RSBN1L: variants seen among roughly 807,000 people sequenced by gnomAD.
RSBN1L encodes the protein lysine-specific demethylase RSBN1L.
RSBN1L carries 30 observed loss-of-function variants against 67.7 expected under a neutral mutation model. The observed-to-expected ratio is 0.44, with a 90% CI of 0.33 to 0.60. The LOEUF (loss-of-function observed/expected upper bound fraction) is 0.60, where lower values mean the gene tolerates loss of function less well. Among genes scored for constraint, RSBN1L ranks in the 20% least tolerant of loss-of-function variants. RSBN1L has a pLI of 0.02. For synonymous variants in RSBN1L, 433 were observed against 387.0 expected, an observed-to-expected ratio of 1.12 and a Z score of -1.39; for missense variants, 992 against 1,031.7, an observed-to-expected ratio of 0.96 and a Z score of 0.53.
chr7:77,703,109 T>G (rs566889983), intron 1 of RSBN1L, among the ~76,000 whole-genome samples: 58 of 152,292 alleles, frequency 3.8e-4, no homozygotes, highest in African/African-American at 1.3e-3. Flanking sequence ...GTCATTCATT[T>G]CATAAGTTTT....
intron 3 of RSBN1L, among the ~76,000 whole-genome samples, chr7:77,756,201 A>G (rs1423080249): frequency 6.6e-6 from 1 of 151,728 alleles, no homozygotes; most frequent in Admixed American, 6.6e-5. Context: ...GCATGATCTC[A>G]GTTCACTGAA....
chr7:77,699,951 C>A (rs989226329), intron 1 of RSBN1L, among the ~76,000 whole-genome samples: 1 of 152,216 alleles, frequency 6.6e-6, no homozygotes, highest in South Asian at 2.1e-4. Flanking sequence ...CACTCGCCAA[C>A]ACGCCTGGCT....
At chr7:77,757,427 A>ATTATATATTAG (rs1562806529) in intron 3 of RSBN1L, among the ~76,000 whole-genome samples, 1 of 152,236 alleles carries the variant, frequency 6.6e-6, no homozygotes, top group East Asian at 1.9e-4. Context: ...CCCTGAGGTT[A>ATTATATATTAG]GTGATATATT....
intron 2 of RSBN1L, among the ~76,000 whole-genome samples, chr7:77,746,056 G>C (rs1427628880): frequency 6.6e-6 from 1 of 152,204 alleles, no homozygotes; most frequent in East Asian, 1.9e-4. Context: ...ACCTCCTGCT[G>C]TGTGGCCTAG....
At chr7:77,718,510 C>CA (rs1791076721) in intron 1 of RSBN1L, among the ~76,000 whole-genome samples, 2 of 152,024 alleles carry the variant, frequency 1.3e-5, no homozygotes, top group Admixed American at 1.3e-4. Flanking sequence ...AGGCTGGTCT[C>CA]AAACTCCTGG....
In RSBN1L at chr7:77,749,577, A is replaced by T. The variant is rs1791526465; in HGVS notation, c.857A>T (p.Asp286Val). Residue 286 changes from aspartate (D) to valine (V), a missense_variant, in exon 3 of 8, where the codon GAT becomes GTT. Physicochemically the swap from Asp to Val is radical, Grantham distance 152. This residue lies in a region of RSBN1L where 575 missense variants were observed against 483.2 expected (regional missense o/e 1.19). Transcript: ENST00000334955. ...ACCATCTGCTCAGGATTGCTAACTG[A>T]TGTTGAAGATCAAGCAGCCAAAGGC... ...IQTICSGLLT[D>V]VEDQAAKGIL... 2 of 1,613,864 alleles carry T rather than the reference A, an allele frequency of 1.2e-6. No individual in the cohort carries two copies. Among genetic ancestry groups the T allele is most frequent in the Non-Finnish European group, 1.7e-6 (2 of 1,179,990 alleles).
At chr7:77,725,141 G>A (rs911853882) in intron 1 of RSBN1L, among the ~76,000 whole-genome samples, 8 of 150,884 alleles carry the variant, frequency 5.3e-5, no homozygotes, top group African/African-American at 1.9e-4. Context: ...ACTGCGCCCG[G>A]CCACAAATCC....
At chr7:77,750,187 G>C in intron 3 of RSBN1L, 123 bp downstream of exon 3, 1 of 406,498 alleles carries the variant, frequency 2.5e-6, no homozygotes, top group South Asian at 6.9e-5. Context: ...CCATTTGGGA[G>C]TATTAAGAGT....
chr7:77,775,776 C>T (rs7790152), intron 6 of RSBN1L, among the ~76,000 whole-genome samples: 25,228 of 152,106 alleles, frequency 0.17, 2,440 homozygotes, highest in African/African-American at 0.26. Context: ...TGTATTTTGG[C>T]TAGGCGCGGT....
In RSBN1L at chr7:77,720,275, A is replaced by G. The variant is rs565026094; in HGVS notation, c.587-16135A>G. Among the ~76,000 whole-genome samples the G allele has an allele frequency of 1.1e-3, 167 of 152,288 alleles. 1 individual carries two copies. The highest frequency in any genetic ancestry group is 3.0e-3 in the Admixed American group (46 of 15,296). On this transcript the variant is annotated intron_variant, in intron 1 of 7. Coordinates refer to ENST00000334955, the MANE Select transcript of RSBN1L (RefSeq NM_198467.3). ...TATGTTGCCTTGTTATAAAAATTGTAAAAGGCTGGGCGTGGTGGCTCGTGC... is the reference window on the plus strand; with the variant it reads ...TATGTTGCCTTGTTATAAAAATTGTGAAAGGCTGGGCGTGGTGGCTCGTGC...
intron 1 of RSBN1L, among the ~76,000 whole-genome samples, chr7:77,720,763 C>CTTTTTTTTTTTTTTTTT (rs34070122): frequency 2.9e-5 from 3 of 104,366 alleles, no homozygotes; most frequent in Non-Finnish European, 5.6e-5. Flanking sequence ...TTTTCTTTTT[C>CTTTTTTTTTTTTTTTTT]TTTTTTTTTT....
At chr7:77,734,465 G>A (rs1213254478) in intron 1 of RSBN1L, among the ~76,000 whole-genome samples, 2 of 151,682 alleles carry the variant, frequency 1.3e-5, no homozygotes, top group Non-Finnish European at 2.9e-5. Context: ...TATATAATGT[G>A]TCTAAGCTCC....
chr7:77,771,837 T>C (rs201546465), intron 5 of RSBN1L, among the ~76,000 whole-genome samples: 1 of 148,882 alleles, frequency 6.7e-6, no homozygotes, highest in Non-Finnish European at 1.5e-5. Context: ...TTTTTTTTTC[T>C]TTTTTTTAGA....
chr7:77,778,839 G>A lies in RSBN1L; in HGVS notation c.2212G>A (p.Val738Ile). 1.2e-6 allele frequency: 2 copies of A among 1,614,016 alleles called. No individual in the cohort carries two copies. Among genetic ancestry groups the A allele is most frequent in the Non-Finnish European group, 1.7e-6 (2 of 1,179,986 alleles). Residue 738 changes from valine to isoleucine, a missense_variant, in exon 8 of 8, where the codon GTT (valine) becomes ATT (isoleucine). Val to Ile is a conservative substitution (Grantham distance 29). Transcript: ENST00000334955. Reference protein sequence around the residue: ...CAVSKASLDSVFSDKLHSKYE... With the variant: ...CAVSKASLDSIFSDKLHSKYE... Reference sequence around the variant, plus strand: ...TGTAAGCAAAGCCTCCTTGGATTCTGTTTTTTCAGATAAACTTCATTCTAA... The same window carrying A: ...TGTAAGCAAAGCCTCCTTGGATTCTATTTTTTCAGATAAACTTCATTCTAA...
chr7:77,730,421 A>G (rs1035939671), intron 1 of RSBN1L, among the ~76,000 whole-genome samples: 2 of 152,190 alleles, frequency 1.3e-5, no homozygotes, highest in Admixed American at 6.5e-5. Flanking sequence ...CCCAAAGTCT[A>G]TCATTTACAT....
chr7:77,715,145 G>T (rs1056826969), intron 1 of RSBN1L, among the ~76,000 whole-genome samples: 2 of 151,822 alleles, frequency 1.3e-5, no homozygotes, highest in Non-Finnish European at 1.5e-5. Flanking sequence ...GGTGGCATGT[G>T]CCTGTAATCC....
At position 77,750,049 on chromosome 7, in the gene RSBN1L, C is replaced by T. The variant is rs1049859126; in HGVS notation, c.1329C>T (p.Ser443=). 6 of 1,588,734 alleles carry T rather than the reference C, an allele frequency of 3.8e-6. No homozygotes were observed. Among genetic ancestry groups the T allele is most frequent in the African/African-American group, 1.4e-5 (1 of 73,520 alleles). The change falls in exon 3 of 8, where the codon TCC becomes TCT. Residue 443 remains serine, a synonymous_variant. Coordinates refer to ENST00000334955, the MANE Select transcript of RSBN1L (RefSeq NM_198467.3). ...AAGATATAGAGACAACGACTATGTC[C>T]AATTTTCATGCTCAGGTAAGAGGTT... ...GKKDIETTTM[S]NFHAQVKRTY...
intron 6 of RSBN1L, among the ~76,000 whole-genome samples, chr7:77,776,843 T>A (rs952462356): frequency 1.3e-5 from 2 of 151,918 alleles, no homozygotes; most frequent in African/African-American, 4.8e-5. Context: ...GGTCTTACCT[T>A]TTTTTTAATC....
At chr7:77,706,193 C>T (rs1400575462) in intron 1 of RSBN1L, among the ~76,000 whole-genome samples, 3 of 151,988 alleles carry the variant, frequency 2.0e-5, no homozygotes, top group Non-Finnish European at 4.4e-5. Context: ...TCTCCTGCCT[C>T]GGCCTCCTGA....
Sources: gnomAD v4.1 joint callset for allele counts (sites outside exome capture counted in the v4.1 genomes callset) on GRCh38, gnomAD v4.1.1 for gene constraint, gnomAD v4.1.1 regional missense constraint, MANE v1.5 for transcripts, NCBI Gene and HGNC (gene_info 2026-07-23, HGNC 2026-07-21) for gene names.